METTL16: variants seen among roughly 807,000 people sequenced by gnomAD.
The protein encoded by METTL16 is methyltransferase 16, RNA N6-adenosine.
A neutral mutation model predicts 57.9 loss-of-function variants in METTL16; 19 were observed. The observed-to-expected ratio is 0.33, with a 90% CI of 0.23 to 0.48. The LOEUF (loss-of-function observed/expected upper bound fraction) is 0.48, where lower values mean the gene tolerates loss of function less well. METTL16 is among the 20% of genes least tolerant of loss of function. The pLI is 0.99. For missense variants in METTL16, 434 were observed against 691.5 expected, an observed-to-expected ratio of 0.63 and a Z score of 4.18; for synonymous variants, 246 against 255.6, an observed-to-expected ratio of 0.96 and a Z score of 0.36.
intron 2 of METTL16, among the ~76,000 whole-genome samples, chr17:2,486,276 C>CT (rs899320056): frequency 2.6e-3 from 380 of 145,290 alleles, no homozygotes; most frequent in African/African-American, 4.4e-3. Context: ...GGATACTACT[C>CT]TTTTTTTTTT....
At chr17:2,423,263 T>TGTGTGG (rs2066781693) in intron 8 of METTL16, among the ~76,000 whole-genome samples, 1 of 52,578 alleles carries the variant, frequency 1.9e-5, no homozygotes, top group Non-Finnish European at 3.0e-5. Context: ...AAACAAAGGG[T>TGTGTGG]GTGTGTGTGT....
At chr17:2,435,671 G>C (rs1172858554) in intron 8 of METTL16, among the ~76,000 whole-genome samples, 1 of 151,116 alleles carries the variant, frequency 6.6e-6, no homozygotes, top group Non-Finnish European at 1.5e-5. Context: ...CTGGGGTAGT[G>C]GTGGGGAGGA....
intron 7 of METTL16, among the ~76,000 whole-genome samples, chr17:2,440,259 T>C (rs2066938247): frequency 6.6e-6 from 1 of 152,136 alleles, no homozygotes; most frequent in Non-Finnish European, 1.5e-5. Context: ...ACCATCTTTT[T>C]TTTTTTTTGA....
At position 2,420,786 on chromosome 17, in the gene METTL16, G is replaced by A. The variant is rs562951868; in HGVS notation, c.1007C>T (p.Ala336Val). ...LKASPLRSET[A>V]EGIVVVTTWI... ...TGTCGTGACAACGACTATGCCTTCC[G>A]CCGTCTCCGAGCGCAGAGGTGATGC... The change falls in exon 9 of 10, where the codon GCG becomes GTG. Residue 336 changes from alanine (A) to valine (V), a missense_variant. By Grantham distance (64) the Ala-to-Val change is moderately conservative. This residue lies in a region of METTL16 where 96 missense variants were observed against 138.3 expected (regional missense o/e 0.69). Transcript: ENST00000263092. The surrounding 1 kb of genome is among the most constrained non-coding windows in gnomAD (Gnocchi z 5.4). 3.3e-5 allele frequency: 54 copies of A among 1,614,132 alleles called. 1 individual carries two copies. Among genetic ancestry groups the A allele is most frequent in the South Asian group, 2.0e-4 (18 of 91,072 alleles).
chr17:2,429,607 A>G (rs2151544304), intron 8 of METTL16, among the ~76,000 whole-genome samples: 1 of 151,970 alleles, frequency 6.6e-6, no homozygotes, highest in Non-Finnish European at 1.5e-5. Context: ...GACGAATAGA[A>G]TTGGAATATC....
intron 6 of METTL16, among the ~76,000 whole-genome samples, chr17:2,451,952 C>G (rs1189471091): frequency 6.6e-6 from 1 of 151,798 alleles, no homozygotes; most frequent in East Asian, 1.9e-4. Context: ...TTGAGACCAT[C>G]CTGGGCAACA....
intron 2 of METTL16, among the ~76,000 whole-genome samples, chr17:2,479,161 G>GGTTTT (rs563805995): frequency 1.2e-4 from 18 of 151,800 alleles, no homozygotes; most frequent in Admixed American, 5.3e-4. Flanking sequence ...GGTTTTTGTG[G>GGTTTT]GTTTTGTTTT....
chr17:2,421,050 T>C (rs946018862), intron 8 of METTL16, 146 bp from the exon 9 acceptor site: 29 of 883,484 alleles, frequency 3.3e-5, no homozygotes, highest in African/African-American at 6.7e-5. Context: ...GTGTGTGTTA[T>C]GTCCAGCACT....
At chr17:2,505,135 G>A (rs1351429980) in intron 1 of METTL16, among the ~76,000 whole-genome samples, 1 of 151,796 alleles carries the variant, frequency 6.6e-6, no homozygotes, top group East Asian at 1.9e-4. Flanking sequence ...CAGGTAGTTG[G>A]TAATTTAAAA....
Position 2,420,214 on chromosome 17 carries a change from C to G in METTL16, c.1445G>C (p.Gly482Ala), listed in dbSNP as rs1381899325. 6.2e-7 allele frequency: 1 copy of G among 1,614,236 alleles called. No individual in the cohort carries two copies. The change falls in exon 10 of 10, where the codon GGC (glycine) becomes GCC (alanine). Residue 482 changes from glycine (G) to alanine (A), a missense_variant. By Grantham distance (60) the Gly-to-Ala change is moderately conservative (BLOSUM62 0). Transcript: ENST00000263092. This position sits in a 1 kb window ranked among gnomAD's most constrained non-coding sequence, Gnocchi z 5.4. The part of the protein sequence containing the change: ...GGVEVLESCQ[G>A]SSNGAQDQEA... ...TTGGTCCTGGGCTCCGTTGCTAGAG[C>G]CTTGACAACTTTCCAAAACCTCCAC...
chr17:2,482,944 A>G (rs1230360951), intron 2 of METTL16, among the ~76,000 whole-genome samples: 1 of 152,046 alleles, frequency 6.6e-6, no homozygotes, highest in Non-Finnish European at 1.5e-5. Context: ...TAACACTAGA[A>G]GAATGAAGAT....
intron 8 of METTL16, among the ~76,000 whole-genome samples, chr17:2,425,231 T>A (rs2066809828): frequency 6.6e-6 from 1 of 152,232 alleles, no homozygotes; most frequent in Admixed American, 6.5e-5. Context: ...TGAAATGATC[T>A]TATTTTGCTA....
At chr17:2,510,980 T>C (rs549676191) in intron 1 of METTL16, among the ~76,000 whole-genome samples, 5 of 152,300 alleles carry the variant, frequency 3.3e-5, no homozygotes, top group Non-Finnish European at 7.4e-5. Context: ...GTAAATATTT[T>C]GTCTGTCTTG....
intron 2 of METTL16, among the ~76,000 whole-genome samples, chr17:2,493,145 T>C (rs1475984148): frequency 2.7e-5 from 4 of 149,970 alleles, no homozygotes; most frequent in Non-Finnish European, 5.9e-5. Context: ...TTTTTTTTTT[T>C]TGAGACAATT....
rs780430979 is a variant in METTL16, at chr17:2,420,147, C to A, written c.1512G>T (p.Gly504=). 1.2e-5 allele frequency: 20 copies of A among 1,614,124 alleles called. No individual in the cohort carries two copies. The highest frequency in any genetic ancestry group is 1.5e-5 in the Non-Finnish European group (18 of 1,180,050). Residue 504 remains glycine, a synonymous_variant, in exon 10 of 10, where the codon GGG becomes GGT. Coordinates refer to ENST00000263092, the MANE Select transcript of METTL16 (RefSeq NM_024086.4). The surrounding 1 kb of genome is among the most constrained non-coding windows in gnomAD (Gnocchi z 5.4). ...EQFGSPVAER[G]KRLPGVAGQY... ...GTCCGGCCACTCCTGGGAGACGTTTCCCCCTTTCAGCCACTGGGCTGCCGA... is the reference window on the plus strand; with the variant it reads ...GTCCGGCCACTCCTGGGAGACGTTTACCCCTTTCAGCCACTGGGCTGCCGA...
At chr17:2,448,736 T>A (rs1188585393) in intron 6 of METTL16, among the ~76,000 whole-genome samples, 8 of 48,406 alleles carry the variant, frequency 1.7e-4, no homozygotes, top group Non-Finnish European at 2.1e-4. Flanking sequence ...CCAAGAATGA[T>A]CAATAAAAAA....
At chr17:2,428,489 T>A (rs557459330) in intron 8 of METTL16, among the ~76,000 whole-genome samples, 1 of 122,104 alleles carries the variant, frequency 8.2e-6, no homozygotes, top group Non-Finnish European at 1.6e-5. Context: ...GATCCTGCCA[T>A]TGCACTCCAG....
chr17:2,428,602 T>TAAAA (rs1555615223), intron 8 of METTL16, among the ~76,000 whole-genome samples: 2 of 94,992 alleles, frequency 2.1e-5, no homozygotes, highest in Admixed American at 1.4e-4. Context: ...TATATATATA[T>TAAAA]AAATTGTAAT....
At chr17:2,483,730 G>A (rs1378492300) in intron 2 of METTL16, among the ~76,000 whole-genome samples, 1 of 152,174 alleles carries the variant, frequency 6.6e-6, no homozygotes, top group Non-Finnish European at 1.5e-5. Flanking sequence ...CAAGATAAAT[G>A]ATGAGCAATA....
Sources: gnomAD v4.1 joint callset for allele counts (sites outside exome capture counted in the v4.1 genomes callset) on GRCh38, gnomAD v4.1.1 for gene constraint, gnomAD v4.1.1 regional missense constraint, Gnocchi (gnomAD v3.1) non-coding constraint, MANE v1.5 for transcripts, NCBI Gene and HGNC (gene_info 2026-07-23, HGNC 2026-07-21) for gene names.